Variants in FRMPD3 observed in about 807,000 individuals in gnomAD.
FRMPD3 encodes FERM and PDZ domain containing 3, also known as FERM and PDZ domain-containing protein 3.
A neutral mutation model predicts 97.9 loss-of-function variants in FRMPD3; 42 were observed. The ratio of observed to expected loss-of-function variants is 0.43; its 90% CI spans 0.34 to 0.55. FRMPD3 has a LOEUF of 0.55. FRMPD3 is among the 20% of genes least tolerant of loss of function. FRMPD3 has a pLI of 0.03. For missense variants in FRMPD3, 1,303 were observed against 1,457.7 expected (o/e 0.89, Z 1.73); for synonymous variants, 577 against 581.1 (o/e 0.99, Z 0.10).
chrX:107,565,028 G>C lies in FRMPD3; in HGVS notation c.1258G>C (p.Gly420Arg). ...SKIQLFRENQ[G>R]VARVETSIMD... ...GATCCAGCTGTTCCGGGAGAACCAG[G>C]GCGTGGCCCGGGTGGAGACCAGCAT... The change falls in exon 12 of 15, where the codon GGC (glycine) becomes CGC (arginine). Residue 420 changes from glycine to arginine, a missense_variant. Around this residue, in one of 3 missense-constraint regions of FRMPD3, gnomAD observed 535 missense variants for 618.6 expected, o/e 0.86. Coordinates refer to ENST00000683843, the MANE Select transcript of FRMPD3 (RefSeq NM_001388459.1). 1 of 1,198,929 alleles carries C rather than the reference G, an allele frequency of 8.3e-7. No individual in the cohort carries two copies. The highest frequency in any genetic ancestry group is 1.1e-6 in the Non-Finnish European group (1 of 889,324).
chrX:107,521,648 G>T (rs182965783), intron 1 of FRMPD3, among the ~76,000 whole-genome samples: 1,133 of 112,101 alleles, frequency 0.01, 3 homozygotes, highest in Middle Eastern at 0.023. Context: ...TGCATCTCAT[G>T]GGGGCCCAGC....
rs1924443422 is a variant in FRMPD3 at position 107,600,536 on chromosome X, C to A, written c.2497C>A (p.Leu833Ile). 1 of 1,209,037 alleles carries A rather than the reference C, an allele frequency of 8.3e-7. No homozygotes were observed. Among genetic ancestry groups the A allele is most frequent in the African/African-American group, 1.7e-5 (1 of 57,170 alleles). The change falls in exon 15 of 15, where the codon CTT becomes ATT. Residue 833 changes from leucine to isoleucine, a missense_variant. Leu to Ile is a conservative substitution (Grantham distance 5). This residue lies in a region of FRMPD3 where 764 missense variants were observed against 820.2 expected (regional missense o/e 0.93). Coordinates refer to ENST00000683843, the MANE Select transcript of FRMPD3 (RefSeq NM_001388459.1). The stretch of plus-strand genomic sequence containing the variant: ...GGCCGTTCTTACGGCCCCTTACTCT[C>A]TTGGGCGCCCGGATCCCAACCCATC... ...AQAVLTAPYS[L>I]GRPDPNPSLQ... is the part of the protein sequence containing the mutation.
chrX:107,602,222 T>C lies in FRMPD3; in HGVS notation c.4183T>C (p.Tyr1395His). The C allele has an allele frequency of 8.3e-7, 1 of 1,210,041 alleles. No homozygotes were observed. ...CAATTACAGGAAACTGATGCGCCGC[T>C]ACAGTATCAGTGAGCTGGACCAGGG... is the stretch of plus-strand genomic sequence containing the variant. ...APNYRKLMRR[Y>H]SISELDQGDR... The change falls in exon 15 of 15, where the codon TAC (tyrosine) becomes CAC (histidine). Residue 1395 changes from tyrosine (Y) to histidine (H), a missense_variant. By Grantham distance (83) the Tyr-to-His change is moderately conservative. Coordinates refer to ENST00000683843, the MANE Select transcript of FRMPD3 (RefSeq NM_001388459.1).
rs184052485 is a variant in FRMPD3 at position 107,471,222 on chromosome X, G to A, written c.-8+21217G>A. 7.1e-3 allele frequency among the ~76,000 whole-genome samples: 789 copies of A among 111,024 alleles called. 7 individuals carry two copies. Among genetic ancestry groups the A allele is most frequent in the African/African-American group, 0.024 (732 of 30,373 alleles). The stretch of plus-strand genomic sequence containing the variant: ...TGGCTGCCTCCCACAGGCCACTGCC[G>A]CAGTCGCAGTGTCTGCTCCAAGCCT... On this transcript the variant is annotated intron_variant, in intron 1 of 14. Transcript: ENST00000683843.
chrX:107,467,537 C>T (rs938618310), intron 1 of FRMPD3, among the ~76,000 whole-genome samples: 27 of 111,613 alleles, frequency 2.4e-4, no homozygotes, highest in African/African-American at 8.5e-4. Context: ...CATGGAACAT[C>T]GTGTCTGGCC....
chrX:107,574,162 A>G (rs1923018206), intron 12 of FRMPD3, among the ~76,000 whole-genome samples: 1 of 112,163 alleles, frequency 8.9e-6, no homozygotes, highest in Non-Finnish European at 1.9e-5. Context: ...GTTTCACTTC[A>G]GCGAGCGCTG....
intron 13 of FRMPD3, among the ~76,000 whole-genome samples, chrX:107,594,441 T>C (rs1295201171): frequency 1.8e-5 from 2 of 112,437 alleles, no homozygotes; most frequent in East Asian, 2.8e-4. Flanking sequence ...TATTGCGTTA[T>C]CAAATAGTAG....
chrX:107,526,470 C>G (rs961594700), intron 1 of FRMPD3, 112 bp from the exon 2 acceptor site: 2 of 591,168 alleles, frequency 3.4e-6, no homozygotes, highest in Non-Finnish European at 5.1e-6. Context: ...GGAAGCTAAG[C>G]TGTAAACTCC....
At chrX:107,511,275 C>A (rs1477660533) in intron 1 of FRMPD3, among the ~76,000 whole-genome samples, 2 of 112,384 alleles carry the variant, frequency 1.8e-5, no homozygotes, top group Non-Finnish European at 1.9e-5. Context: ...TGTGTTCATG[C>A]CTCGTGCCAC....
chrX:107,482,968 G>C (rs1376395299), intron 1 of FRMPD3, among the ~76,000 whole-genome samples: 1 of 112,234 alleles, frequency 8.9e-6, no homozygotes, highest in East Asian at 2.8e-4. Flanking sequence ...TCAACCCACT[G>C]GTCTGATGTC....
Position 107,530,493 on chromosome X carries a change from G to C in FRMPD3, c.233G>C (p.Arg78Thr), listed in dbSNP as rs879112792. 7 of 1,184,912 alleles carry C rather than the reference G, an allele frequency of 5.9e-6. No individual in the cohort carries two copies. The African/African-American group carries it at 7.1e-5, about 12-fold the overall frequency. The change falls in exon 3 of 15, where the codon AGA (arginine) becomes ACA (threonine). Residue 78 changes from arginine to threonine, a missense_variant. Physicochemically the swap from Arg to Thr is moderately conservative, Grantham distance 71 (BLOSUM62 -1). Around this residue, in one of 3 missense-constraint regions of FRMPD3, gnomAD observed 535 missense variants for 618.6 expected, o/e 0.86. Coordinates refer to ENST00000683843, the MANE Select transcript of FRMPD3 (RefSeq NM_001388459.1). ...EEDVSEAPRE[R>T]LIELIRSAKE... is the part of the protein sequence containing the mutation. ...GACGTGAGTGAAGCCCCGAGGGAGA[G>C]ACTCATAGAACTTATCAGGTAACAG... is the stretch of plus-strand genomic sequence containing the variant.
intron 13 of FRMPD3, among the ~76,000 whole-genome samples, chrX:107,577,481 CAAAA>C (rs372014103): frequency 5.4e-4 from 18 of 33,353 alleles, no homozygotes; most frequent in Admixed American, 2.5e-3. Flanking sequence ...GAGACTGTCT[CAAAA>C]AAAAAAAAAA....
chrX:107,543,927 C>T (rs1342530585), intron 4 of FRMPD3, among the ~76,000 whole-genome samples: 1 of 110,948 alleles, frequency 9.0e-6, no homozygotes, highest in Non-Finnish European at 1.9e-5. Flanking sequence ...TTCCCATGTT[C>T]GTGGCAGCAC....
intron 13 of FRMPD3, among the ~76,000 whole-genome samples, chrX:107,586,788 A>C (rs1216728586): frequency 1.8e-5 from 2 of 111,803 alleles, no homozygotes; most frequent in Non-Finnish European, 3.8e-5. Flanking sequence ...CTTAGTTCTA[A>C]TTTGATTGCA....
intron 1 of FRMPD3, among the ~76,000 whole-genome samples, chrX:107,457,628 A>G (rs1345745775): frequency 3.6e-5 from 4 of 111,943 alleles, no homozygotes; most frequent in Non-Finnish European, 7.5e-5. Flanking sequence ...GGCTGTGTGG[A>G]CCCTCAGTGG....
chrX:107,598,380 C>T (rs2147649764), intron 14 of FRMPD3, among the ~76,000 whole-genome samples: 1 of 112,298 alleles, frequency 8.9e-6, no homozygotes, highest in East Asian at 2.8e-4. Context: ...AAATGCCTTA[C>T]AGATAGATCC....
Position 107,602,698 on chromosome X carries a change from C to CAGA in FRMPD3, c.4661_4662insAAG (p.Ser1553_Ser1554insArg). The CAGA allele has an allele frequency of 8.3e-7, 1 of 1,209,331 alleles. No homozygotes were observed. Among genetic ancestry groups the CAGA allele is most frequent in the Non-Finnish European group, 1.1e-6 (1 of 895,209 alleles). On this transcript the variant is annotated inframe_insertion, in exon 15 of 15. Coordinates refer to ENST00000683843, the MANE Select transcript of FRMPD3 (RefSeq NM_001388459.1). ...TGGATGCTGCTACCTGCAGCAGCAG[C>CAGA]AGCCCTGAGGCCTCCCGCACTCAGG... is the stretch of plus-strand genomic sequence containing the variant.
chrX:107,567,746 G>A (rs1172307621), intron 12 of FRMPD3, among the ~76,000 whole-genome samples: 1 of 111,545 alleles, frequency 9.0e-6, no homozygotes, highest in African/African-American at 3.3e-5. Flanking sequence ...AGAACAGTGA[G>A]AATCCACAGT....
In FRMPD3 at chrX:107,597,560, A is replaced by C; in HGVS notation, c.1681A>C (p.Lys561Gln). The change falls in exon 14 of 15, where the codon AAG (lysine) becomes CAG (glutamine). Residue 561 changes from lysine to glutamine, a missense_variant. Physicochemically the swap from Lys to Gln is moderately conservative, Grantham distance 53. Transcript: ENST00000683843. The part of the protein sequence containing the change: ...IFFEETRPRT[K>Q]SDPTSKSSGQ... ...CTTTGAGGAGACCAGGCCCCGAACC[A>C]AGTCTGACCCCACATCCAAAAGCTC... 8.3e-7 allele frequency: 1 copy of C among 1,210,733 alleles called. No homozygotes were observed. The highest frequency in any genetic ancestry group is 1.1e-6 in the Non-Finnish European group (1 of 895,380).
Sources: allele counts gnomAD v4.1 joint callset (sites outside exome capture counted in the v4.1 genomes callset), GRCh38; gene constraint gnomAD v4.1.1; regional missense constraint gnomAD v4.1.1; transcripts MANE v1.5; gene names NCBI Gene and HGNC (gene_info 2026-07-23, HGNC 2026-07-21).